Variants in SLC6A3 observed in about 807,000 individuals in gnomAD.
The protein encoded by SLC6A3 is solute carrier family 6 member 3.
A neutral mutation model predicts 70.4 loss-of-function variants in SLC6A3; 19 were observed. That is an observed-to-expected ratio of 0.27 (90% CI 0.19 to 0.40). The LOEUF is 0.40. SLC6A3 is among the 10% of genes least tolerant of loss of function. The pLI is 1.00. For synonymous variants in SLC6A3, 368 were observed against 356.6 expected (o/e 1.03, Z -0.36); for missense variants, 613 against 838.5 (o/e 0.73, Z 3.32).
rs774827862 is a variant in SLC6A3 at position 1,443,046 on chromosome 5, C to G, written c.152G>C (p.Arg51Pro). Residue 51 changes from arginine (R) to proline (P), a missense_variant, in exon 2 of 15, where the codon CGG (arginine) becomes CCG (proline). This residue lies in a region of SLC6A3 where 111 missense variants were observed against 91.6 expected (regional missense o/e 1.21). Transcript: ENST00000270349. ...QLTSSTLTNP[R>P]QSPVEAQDRE... ...ATCCTGGGCCTCCACGGGGCTCTGCCGCGGGTTGGTGAGGGTGGAGCTGGT... is the reference window on the plus strand; with the variant it reads ...ATCCTGGGCCTCCACGGGGCTCTGCGGCGGGTTGGTGAGGGTGGAGCTGGT... The G allele has an allele frequency of 6.2e-7, 1 of 1,614,200 alleles. No individual in the cohort carries two copies. The highest frequency in any genetic ancestry group is 1.1e-5 in the South Asian group (1 of 91,082).
intron 3 of SLC6A3, among the ~76,000 whole-genome samples, chr5:1,433,995 C>T (rs1461660940): frequency 1.3e-5 from 2 of 152,106 alleles, no homozygotes; most frequent in Non-Finnish European, 2.9e-5. Flanking sequence ...CTATCTACGG[C>T]CACCCATGGC....
In SLC6A3 at chr5:1,397,399, C is replaced by T. The variant is rs1755746151; in HGVS notation, c.1840-2641G>A. ...TGAGCCGAGATTGCGCCACTGCACT[C>T]CAGCCTGGGCTACAGAGCGAGACTC... On this transcript the variant is annotated intron_variant, in intron 14 of 14. Transcript: ENST00000270349. The surrounding 1 kb of genome is among the most constrained non-coding windows in gnomAD (Gnocchi z 4.7). Among the ~76,000 whole-genome samples, 1 of 152,206 alleles carries T rather than the reference C, an allele frequency of 6.6e-6. No homozygotes were observed. The highest frequency in any genetic ancestry group is 2.1e-4 in the South Asian group (1 of 4,832).
chr5:1,417,133 C>T (rs1756320424), intron 6 of SLC6A3, among the ~76,000 whole-genome samples: 1 of 152,014 alleles, frequency 6.6e-6, no homozygotes, highest in Admixed American at 6.5e-5. Context: ...ATGGCAGTGC[C>T]CTGAAACCCT....
intron 10 of SLC6A3, among the ~76,000 whole-genome samples, 180 bp downstream of exon 10, chr5:1,409,541 C>G (rs1289647563): frequency 6.6e-6 from 1 of 152,196 alleles, no homozygotes; most frequent in Non-Finnish European, 1.5e-5. Context: ...ACTCTGGGAC[C>G]AAGCTCTGGA....
intron 10 of SLC6A3, 106 bp downstream of exon 10, chr5:1,409,614 TG>T: frequency 7.4e-7 from 1 of 1,350,478 alleles, no homozygotes; most frequent in Non-Finnish European, 1.1e-6. Flanking sequence ...CGCAGCTCCC[TG>T]GAAGTGCTGC....
At chr5:1,416,035 T>C (rs1756282272) in intron 7 of SLC6A3, 63 bp downstream of exon 7, 2 of 1,251,742 alleles carry the variant, frequency 1.6e-6, no homozygotes, top group Non-Finnish European at 2.4e-6. Context: ...ACCCTATTTC[T>C]GGAAGTCAGC....
At chr5:1,419,654 C>A (rs1461287545) in intron 6 of SLC6A3, among the ~76,000 whole-genome samples, 1 of 152,144 alleles carries the variant, frequency 6.6e-6, no homozygotes, top group East Asian at 1.9e-4. Context: ...CACTTGTGGG[C>A]CCCCGGCCAC....
intron 4 of SLC6A3, 111 bp from the exon 5 acceptor site, chr5:1,422,125 C>T (rs1030137224): frequency 3.3e-5 from 40 of 1,205,590 alleles, no homozygotes; most frequent in South Asian, 2.7e-4. Flanking sequence ...GGGCAGAAAG[C>T]ATCCAGTCTG....
At position 1,394,764 on chromosome 5, in the gene SLC6A3, A is replaced by G; in HGVS notation, c.1840-6T>C. The G allele has an allele frequency of 6.2e-7, 1 of 1,614,144 alleles. No individual in the cohort carries two copies. Among genetic ancestry groups the G allele is most frequent in the South Asian group, 1.1e-5 (1 of 91,086 alleles). ...ACCTTGAGCCAGTGGCGGAGCTGGA[A>G]AGAAAACAGGTTTAGTCAGAAACCC... On this transcript the variant is annotated splice_polypyrimidine_tract_variant and splice_region_variant and intron_variant, in intron 14 of 14. Transcript: ENST00000270349. This position sits in a 1 kb window ranked among gnomAD's most constrained non-coding sequence, Gnocchi z 4.7.
At chr5:1,425,001 A>G (rs567493541) in intron 4 of SLC6A3, among the ~76,000 whole-genome samples, 9 of 152,348 alleles carry the variant, frequency 5.9e-5, no homozygotes, top group African/African-American at 2.2e-4. Context: ...GAGACCATCA[A>G]AGGACATCCG....
At position 1,397,393 on chromosome 5, in the gene SLC6A3, T is replaced by C. The variant is rs1317840895; in HGVS notation, c.1840-2635A>G. 6.6e-6 allele frequency among the ~76,000 whole-genome samples: 1 copy of C among 152,206 alleles called. No homozygotes were observed. Among genetic ancestry groups the C allele is most frequent in the African/African-American group, 2.4e-5 (1 of 41,436 alleles). ...TTGCAGTGAGCCGAGATTGCGCCAC[T>C]GCACTCCAGCCTGGGCTACAGAGCG... On this transcript the variant is annotated intron_variant, in intron 14 of 14. Transcript: ENST00000270349. The surrounding 1 kb of genome is among the most constrained non-coding windows in gnomAD (Gnocchi z 4.7).
chr5:1,440,576 G>A (rs953298131), intron 3 of SLC6A3, among the ~76,000 whole-genome samples: 13 of 152,234 alleles, frequency 8.5e-5, no homozygotes, highest in South Asian at 6.2e-4. Context: ...GCAAACCTCA[G>A]AATGTGACTT....
At position 1,406,899 on chromosome 5, in the gene SLC6A3, G is replaced by A. The variant is rs577216422; in HGVS notation, c.1499-611C>T. Among the ~76,000 whole-genome samples, 2 of 152,224 alleles carry A rather than the reference G, an allele frequency of 1.3e-5. No individual in the cohort carries two copies. Among genetic ancestry groups the A allele is most frequent in the South Asian group, 2.1e-4 (1 of 4,818 alleles). On this transcript the variant is annotated intron_variant, in intron 11 of 14. Transcript: ENST00000270349. The surrounding 1 kb of genome is among the most constrained non-coding windows in gnomAD (Gnocchi z 8.8). ...CCCGTCAGTGGAGTCACGTGGCACG[G>A]GGCCTCTGCAACTGGTTTACTCCCT...
chr5:1,427,108 C>T lies in SLC6A3; in HGVS notation c.654-5094G>A, dbSNP rs2550924. ...GGAAACCCCAATCTACATACAGGAC[C>T]GGACAGCACTAGAGATGGTGCCTAT... is the stretch of plus-strand genomic sequence containing the variant. On this transcript the variant is annotated intron_variant, in intron 4 of 14. Coordinates refer to ENST00000270349, the MANE Select transcript of SLC6A3 (RefSeq NM_001044.5). 2.5e-3 allele frequency among the ~76,000 whole-genome samples: 388 copies of T among 152,320 alleles called. 3 individuals are homozygous for T. Among genetic ancestry groups the T allele is most frequent in the African/African-American group, 8.3e-3 (347 of 41,576 alleles).
chr5:1,409,158 AG>A (rs1756055445), intron 10 of SLC6A3, 33 bp from the exon 11 acceptor site: 1 of 1,495,978 alleles, frequency 6.7e-7, no homozygotes, highest in African/African-American at 1.4e-5. Context: ...GACCTACAGA[AG>A]GGCTTTCCCC....
In SLC6A3 at chr5:1,413,470, G is replaced by C. The variant is rs562166810; in HGVS notation, c.1156+1221C>G. Among the ~76,000 whole-genome samples the C allele has an allele frequency of 6.6e-6, 1 of 152,144 alleles. No individual in the cohort carries two copies. Among genetic ancestry groups the C allele is most frequent in the Non-Finnish European group, 1.5e-5 (1 of 68,028 alleles). ...CTCAGGTGCGGTCAAGGCTGCCCCC[G>C]CTTGGTGCTTGTCGCTCCCCGCCTT... On this transcript the variant is annotated intron_variant, in intron 8 of 14. Coordinates refer to ENST00000270349, the MANE Select transcript of SLC6A3 (RefSeq NM_001044.5). The surrounding 1 kb of genome is among the most constrained non-coding windows in gnomAD (Gnocchi z 7.1).
Position 1,413,418 on chromosome 5 carries a change from A to G in SLC6A3, c.1156+1273T>C, listed in dbSNP as rs2126348631. On this transcript the variant is annotated intron_variant, in intron 8 of 14. Transcript: ENST00000270349. The surrounding 1 kb of genome is among the most constrained non-coding windows in gnomAD (Gnocchi z 7.1). The stretch of plus-strand genomic sequence containing the variant: ...TGAGCGTGTTCCTACCTGCGGTGCG[A>G]GGGTCCTAGTGCCCCACTCTGTGAG... Among the ~76,000 whole-genome samples, 1 of 152,242 alleles carries G rather than the reference A, an allele frequency of 6.6e-6. No individual in the cohort carries two copies. Among genetic ancestry groups the G allele is most frequent in the South Asian group, 2.1e-4 (1 of 4,820 alleles).
Position 1,406,241 on chromosome 5 carries a change from G to A in SLC6A3, c.1546C>T (p.Pro516Ser). The A allele has an allele frequency of 6.2e-7, 1 of 1,613,042 alleles. No individual in the cohort carries two copies. Among genetic ancestry groups the A allele is most frequent in the Non-Finnish European group, 8.5e-7 (1 of 1,180,014 alleles). The change falls in exon 12 of 15, where the codon CCC becomes TCC. Residue 516 changes from proline to serine, a missense_variant. Pro to Ser is a moderately conservative substitution (Grantham distance 74). Coordinates refer to ENST00000270349, the MANE Select transcript of SLC6A3 (RefSeq NM_001044.5). This position sits in a 1 kb window ranked among gnomAD's most constrained non-coding sequence, Gnocchi z 8.8. ...DDIQQMTGQRPSLYWRLCWKL... is the reference protein window; with the variant it reads ...DDIQQMTGQRSSLYWRLCWKL... ...CAGCACAGCCGCCAGTACAGGCTGG[G>A]CCGCTGCCCGGTCATCTGCTGGATG... is the stretch of plus-strand genomic sequence containing the variant.
chr5:1,408,948 C>T lies in SLC6A3; in HGVS notation c.1498+78G>A, dbSNP rs1011856554. 31 of 1,003,262 alleles carry T rather than the reference C, an allele frequency of 3.1e-5. No homozygotes were observed. The highest frequency in any genetic ancestry group is 1.1e-4 in the African/African-American group (7 of 62,948). 62.1% of individuals were successfully genotyped at this position (1,003,262 alleles called of 1,614,324 possible). ...CCTGCAGCTGAAAGGTGTTTCCTCA[C>T]GGAGCCTTTTTCAGAAGGGGAGTGG... On this transcript the variant is annotated intron_variant, in intron 11 of 14. Coordinates refer to ENST00000270349, the MANE Select transcript of SLC6A3 (RefSeq NM_001044.5). The surrounding 1 kb of genome is among the most constrained non-coding windows in gnomAD (Gnocchi z 6.4).
Sources: allele counts gnomAD v4.1 joint callset (sites outside exome capture counted in the v4.1 genomes callset), GRCh38; gene constraint gnomAD v4.1.1; regional missense constraint gnomAD v4.1.1; non-coding constraint Gnocchi (gnomAD v3.1); transcripts MANE v1.5; gene names NCBI Gene and HGNC (gene_info 2026-07-23, HGNC 2026-07-21).